PIK3C2G: variants seen among roughly 807,000 people sequenced by gnomAD.
PIK3C2G encodes phosphatidylinositol-4-phosphate 3-kinase catalytic subunit type 2 gamma, also known as phosphatidylinositol 3-kinase C2 domain-containing subunit gamma.
A neutral mutation model predicts 181.1 loss-of-function variants in PIK3C2G; 168 were observed. The observed-to-expected ratio is 0.93, with a 90% CI of 0.82 to 1.05. The LOEUF (loss-of-function observed/expected upper bound fraction) is 1.05. Among genes scored for constraint, PIK3C2G ranks in the 50% least tolerant of loss-of-function variants. The pLI is 0.00. For synonymous variants in PIK3C2G, 573 were observed against 592.2 expected (o/e 0.97, Z 0.47); for missense variants, 1,869 against 1,732.8 (o/e 1.08, Z -1.40).
the PIK3C2G span, among the ~76,000 whole-genome samples, chr12:18,669,143 T>C: frequency 6.6e-6 from 1 of 152,166 alleles, no homozygotes; most frequent in Middle Eastern, 3.2e-3. Context: ...ACAATGATTA[T>C]TTTCTTGATT....
intron 26 of PIK3C2G, among the ~76,000 whole-genome samples, chr12:18,553,324 G>A (rs557821444): frequency 7.1e-4 from 108 of 152,126 alleles, no homozygotes; most frequent in African/African-American, 2.5e-3. Flanking sequence ...TTGGGAGTGG[G>A]AACTGAAAAC....
intron 1 of PIK3C2G, among the ~76,000 whole-genome samples, chr12:18,279,421 A>G (rs1328109055): frequency 6.6e-6 from 1 of 152,034 alleles, no homozygotes. Flanking sequence ...GAAATCTTTA[A>G]TTGCATTATC....
chr12:18,398,186 A>C (rs1487171957), intron 15 of PIK3C2G, among the ~76,000 whole-genome samples: 1 of 152,150 alleles, frequency 6.6e-6, no homozygotes, highest in Non-Finnish European at 1.5e-5. Flanking sequence ...CATTTGTAAA[A>C]ATTTATTGAA....
At chr12:18,516,104 A>G (rs1367930085) in intron 24 of PIK3C2G, among the ~76,000 whole-genome samples, 2 of 152,068 alleles carry the variant, frequency 1.3e-5, no homozygotes, top group African/African-American at 4.8e-5. Context: ...ACATGTTAGC[A>G]TTCTTTTCAT....
In PIK3C2G at chr12:18,578,084, G is replaced by A. The variant is rs118111816; in HGVS notation, c.4011+11027G>A. ...TCAGAGCCCCATCCTTAAACATGCTGGTTCTAAAGGTAGAAGGTGATATAT... is the reference window on the plus strand; with the variant it reads ...TCAGAGCCCCATCCTTAAACATGCTAGTTCTAAAGGTAGAAGGTGATATAT... On this transcript the variant is annotated intron_variant, in intron 29 of 32. Transcript: ENST00000538779. Among the ~76,000 whole-genome samples, 339 of 152,206 alleles carry A rather than the reference G, an allele frequency of 2.2e-3. 1 individual carries two copies. The highest frequency in any genetic ancestry group is 4.1e-3 in the Non-Finnish European group (277 of 68,012).
At chr12:18,290,562 A>T (rs1949647249) in intron 3 of PIK3C2G, among the ~76,000 whole-genome samples, 1 of 152,200 alleles carries the variant, frequency 6.6e-6, no homozygotes, top group South Asian at 2.1e-4. Context: ...TTCAGCGTGA[A>T]TCCTCACGTT....
chr12:18,483,908 G>A (rs118085111), intron 18 of PIK3C2G, among the ~76,000 whole-genome samples: 199 of 152,218 alleles, frequency 1.3e-3, no homozygotes, highest in Non-Finnish European at 2.4e-3. Flanking sequence ...ACCTGACTGT[G>A]CATCAATGCT....
chr12:18,448,445 C>T (rs1456477095), intron 18 of PIK3C2G, among the ~76,000 whole-genome samples: 1 of 152,042 alleles, frequency 6.6e-6, no homozygotes, highest in Non-Finnish European at 1.5e-5. Context: ...GATCAATATA[C>T]AATACAGTGT....
intron 29 of PIK3C2G, among the ~76,000 whole-genome samples, chr12:18,583,465 G>A (rs1199530229): frequency 6.6e-6 from 1 of 151,888 alleles, no homozygotes; most frequent in Non-Finnish European, 1.5e-5. Flanking sequence ...TAACAGCTCT[G>A]CAAATCCCTG....
upstream of PIK3C2G, among the ~76,000 whole-genome samples, chr12:18,256,609 G>A (rs765660391): frequency 5.3e-5 from 8 of 152,180 alleles, no homozygotes; most frequent in South Asian, 2.1e-4. Flanking sequence ...GCCCGAGTAC[G>A]TATTGTCACA....
chr12:18,495,353 A>C (rs745386089), intron 20 of PIK3C2G, among the ~76,000 whole-genome samples: 1 of 152,114 alleles, frequency 6.6e-6, no homozygotes, highest in African/African-American at 2.4e-5. Context: ...CAACATCACA[A>C]AGCTGAAAAT....
intron 22 of PIK3C2G, among the ~76,000 whole-genome samples, chr12:18,502,729 T>C (rs1941575351): frequency 6.6e-6 from 1 of 152,212 alleles, no homozygotes; most frequent in Non-Finnish European, 1.5e-5. Context: ...TTGTAGTTTC[T>C]CTTTAATGTT....
chr12:18,620,783 A>G (rs1341448248), intron 31 of PIK3C2G, among the ~76,000 whole-genome samples: 1 of 152,204 alleles, frequency 6.6e-6, no homozygotes, highest in East Asian at 1.9e-4. Flanking sequence ...GTTGGATACA[A>G]TTCATCATTC....
At chr12:18,295,520 A>C (rs1949900550) in intron 5 of PIK3C2G, among the ~76,000 whole-genome samples, 1 of 152,064 alleles carries the variant, frequency 6.6e-6, no homozygotes. Flanking sequence ...TATAATGTGG[A>C]GAAAATTTAC....
chr12:18,265,226 C>A (rs1228171069), intron 1 of PIK3C2G, among the ~76,000 whole-genome samples: 9 of 152,112 alleles, frequency 5.9e-5, no homozygotes, highest in African/African-American at 2.2e-4. Flanking sequence ...CAAATATGTC[C>A]TTGATACTTG....
intron 16 of PIK3C2G, among the ~76,000 whole-genome samples, chr12:18,415,892 A>C (rs1191012325): frequency 6.6e-6 from 1 of 152,202 alleles, no homozygotes; most frequent in African/African-American, 2.4e-5. Context: ...CATGAAAGTT[A>C]AGAGAGATGA....
chr12:18,305,191 T>C (rs954172303), intron 5 of PIK3C2G, among the ~76,000 whole-genome samples: 3 of 152,208 alleles, frequency 2.0e-5, no homozygotes, highest in Admixed American at 6.5e-5. Context: ...AATAATTCTG[T>C]GCTAGAACAA....
At chr12:18,616,762 A>C (rs1029553420) in intron 31 of PIK3C2G, among the ~76,000 whole-genome samples, 3 of 152,124 alleles carry the variant, frequency 2.0e-5, no homozygotes, top group African/African-American at 7.2e-5. Flanking sequence ...AAAGAACTTT[A>C]AAGATTGATG....
intron 25 of PIK3C2G, among the ~76,000 whole-genome samples, chr12:18,543,697 C>T (rs1944283897): frequency 6.6e-6 from 1 of 151,806 alleles, no homozygotes; most frequent in African/African-American, 2.4e-5. Context: ...ATCAGATGAT[C>T]ATAATTGTGC....
Sources: gnomAD v4.1 joint callset for allele counts (sites outside exome capture counted in the v4.1 genomes callset) on GRCh38, gnomAD v4.1.1 for gene constraint, MANE v1.5 for transcripts, NCBI Gene and HGNC (gene_info 2026-07-23, HGNC 2026-07-21) for gene names.